ADGRG2: variants seen among roughly 807,000 people sequenced by gnomAD.
ADGRG2 encodes the protein G protein-coupled receptor 64.
ADGRG2 carries 26 observed loss-of-function variants against 74.1 expected under a neutral mutation model. The observed-to-expected ratio is 0.35, with a 90% CI of 0.26 to 0.49. The LOEUF (loss-of-function observed/expected upper bound fraction) is 0.49. Ranked by LOEUF, ADGRG2 falls within the 20% of genes least tolerant of loss-of-function variation. ADGRG2 has a pLI of 0.99. For synonymous variants in ADGRG2, 296 were observed against 295.2 expected (o/e 1.00, Z -0.03); for missense variants, 619 against 763.1 (o/e 0.81, Z 2.22).
At position 19,037,598 on chromosome X, in the gene ADGRG2, C is replaced by T. The variant is rs972143497; in HGVS notation, c.193G>A (p.Gly65Ser). ...TTTTTCAAAATCTTGCCTGGAGTAC[C>T]ATTGGAGGAGGGGGCAAAACTGACA... ...SVVSFAPSSNGTPEVETTSLN... is the reference protein window; with the variant it reads ...SVVSFAPSSNSTPEVETTSLN... Residue 65 changes from glycine to serine, a missense_variant, in exon 5 of 29, where the codon GGT (glycine) becomes AGT (serine). Coordinates refer to ENST00000379869, the MANE Select transcript of ADGRG2 (RefSeq NM_001079858.3). 1 of 1,164,904 alleles carries T rather than the reference C, an allele frequency of 8.6e-7. No homozygotes were observed.
chrX:18,995,966 TAG>T, intron 27 of ADGRG2, 83 bp downstream of exon 27: 1 of 514,234 alleles, frequency 1.9e-6, no homozygotes, highest in Non-Finnish European at 3.4e-6. Flanking sequence ...CACTGATTTC[TAG>T]ATTGGATTTG....
intron 10 of ADGRG2, among the ~76,000 whole-genome samples, 157 bp downstream of exon 10, chrX:19,028,026 G>A (rs138928897): frequency 5.5e-4 from 61 of 111,910 alleles, no homozygotes; most frequent in African/African-American, 1.8e-3. Flanking sequence ...TCAAGCCCTC[G>A]CTACAAAGCT....
intron 3 of ADGRG2, among the ~76,000 whole-genome samples, chrX:19,049,438 G>GT (rs752686975): frequency 0.041 from 3,366 of 81,984 alleles, 99 homozygotes; most frequent in Non-Finnish European, 0.059. Context: ...CGTTTTTTGT[G>GT]TTTTTTTTTT....
chrX:19,115,476 G>GT (rs939928717), intron 1 of ADGRG2, among the ~76,000 whole-genome samples: 1 of 112,051 alleles, frequency 8.9e-6, no homozygotes, highest in Non-Finnish European at 1.9e-5. Flanking sequence ...GGGGAGTACG[G>GT]TTTTAGAATG....
chrX:19,116,506 C>CAAAAAAAAAAAA (rs10677696), intron 1 of ADGRG2, among the ~76,000 whole-genome samples: 6 of 24,017 alleles, frequency 2.5e-4, no homozygotes, highest in African/African-American at 7.9e-4. Context: ...GATTCCGTCT[C>CAAAAAAAAAAAA]AAAAAAAAAA....
At chrX:18,995,282 C>A (rs1163724992) in intron 27 of ADGRG2, among the ~76,000 whole-genome samples, 1 of 111,976 alleles carries the variant, frequency 8.9e-6, no homozygotes, top group Non-Finnish European at 1.9e-5. Flanking sequence ...GAACTAAAGG[C>A]CAAGCTAATT....
At chrX:19,038,229 G>A (rs1343150732) in intron 4 of ADGRG2, among the ~76,000 whole-genome samples, 1 of 112,380 alleles carries the variant, frequency 8.9e-6, no homozygotes, top group African/African-American at 3.2e-5. Context: ...CACACATTTT[G>A]CATATTTAAA....
intron 1 of ADGRG2, among the ~76,000 whole-genome samples, chrX:19,086,023 T>C (rs931228388): frequency 7.2e-5 from 8 of 111,226 alleles, no homozygotes; most frequent in Non-Finnish European, 1.5e-4. Flanking sequence ...TTGTGGAAAA[T>C]AATGGCAAAA....
chrX:19,069,196 T>A (rs938601769), intron 2 of ADGRG2, among the ~76,000 whole-genome samples: 2 of 112,186 alleles, frequency 1.8e-5, no homozygotes, highest in African/African-American at 6.5e-5. Context: ...TCATTTTTCC[T>A]TAAAAAAATT....
At chrX:19,060,852 C>T (rs2061479991) in intron 3 of ADGRG2, among the ~76,000 whole-genome samples, 1 of 111,372 alleles carries the variant, frequency 9.0e-6, no homozygotes, top group African/African-American at 3.3e-5. Context: ...CCGGCCGAGG[C>T]AGGTGTTCTT....
intron 1 of ADGRG2, among the ~76,000 whole-genome samples, chrX:19,108,207 C>T (rs1209301575): frequency 9.1e-6 from 1 of 109,493 alleles, no homozygotes; most frequent in Non-Finnish European, 1.9e-5. Context: ...TGGCTCATGC[C>T]TGTAATCCCA....
intron 1 of ADGRG2, among the ~76,000 whole-genome samples, chrX:19,088,334 C>T (rs965824536): frequency 8.0e-5 from 9 of 111,843 alleles, no homozygotes; most frequent in Non-Finnish European, 1.5e-4. Flanking sequence ...GAATTTGGAT[C>T]ATCACAACTT....
chrX:19,085,692 G>A lies in ADGRG2; in HGVS notation c.-46-2946C>T, dbSNP rs138807995. ...AAATAGCCTGGAAGGAAACCCACCA[G>A]TAACCCAGGAGTGTGATGAGGGAAA... On this transcript the variant is annotated intron_variant, in intron 1 of 28. Transcript: ENST00000379869. Among the ~76,000 whole-genome samples, 383 of 111,657 alleles carry A rather than the reference G, an allele frequency of 3.4e-3. 2 individuals are homozygous for A. Among genetic ancestry groups the A allele is most frequent in the African/African-American group, 0.012 (365 of 30,709 alleles).
intron 24 of ADGRG2, among the ~76,000 whole-genome samples, chrX:19,001,999 T>C (rs1365983231): frequency 3.6e-5 from 4 of 111,148 alleles, no homozygotes; most frequent in African/African-American, 1.3e-4. Context: ...ATATTACTTG[T>C]AGATTATCTA....
intron 1 of ADGRG2, among the ~76,000 whole-genome samples, chrX:19,113,475 G>C (rs1036679367): frequency 5.3e-5 from 6 of 112,302 alleles, no homozygotes; most frequent in African/African-American, 1.9e-4. Context: ...CGGCAGATTA[G>C]ATAACAGTAT....
chrX:19,045,297 A>ATTATTATTAT (rs1758632427), intron 3 of ADGRG2, among the ~76,000 whole-genome samples: 1 of 98,651 alleles, frequency 1.0e-5, no homozygotes, highest in African/African-American at 3.9e-5. Context: ...GGGTGTTGTT[A>ATTATTATTAT]TTATTATTAT....
At chrX:19,006,880 C>T (rs1289973260) in intron 20 of ADGRG2, among the ~76,000 whole-genome samples, 1 of 106,960 alleles carries the variant, frequency 9.3e-6, no homozygotes, top group Admixed American at 1.0e-4. Context: ...CCTCAGCCCT[C>T]CAAGTAGCTG....
chrX:19,095,428 C>T (rs762299583), intron 1 of ADGRG2, among the ~76,000 whole-genome samples: 2 of 110,775 alleles, frequency 1.8e-5, no homozygotes, highest in Non-Finnish European at 3.8e-5. Flanking sequence ...TTTGTGTGTG[C>T]CGGTGAGTTT....
At chrX:19,108,136 A>G (rs1602133877) in intron 1 of ADGRG2, among the ~76,000 whole-genome samples, 2 of 109,469 alleles carry the variant, frequency 1.8e-5, no homozygotes, top group African/African-American at 3.3e-5. Flanking sequence ...AAAGAAAATT[A>G]AAGTGTAAAA....
Sources: allele counts gnomAD v4.1 joint callset (sites outside exome capture counted in the v4.1 genomes callset), GRCh38; gene constraint gnomAD v4.1.1; transcripts MANE v1.5; gene names NCBI Gene and HGNC (gene_info 2026-07-23, HGNC 2026-07-21).